The following EPHA6 variants were observed in gnomAD, a reference collection of about 807,000 sequenced individuals.
EPHA6 encodes the protein ephrin type-A receptor 6.
A neutral mutation model predicts 112.0 loss-of-function variants in EPHA6; 50 were observed. That is an observed-to-expected ratio of 0.45 (90% CI 0.36 to 0.56). The LOEUF (loss-of-function observed/expected upper bound fraction) is 0.56, where lower values mean the gene tolerates loss of function less well. Ranked by LOEUF, EPHA6 falls within the 20% of genes least tolerant of loss-of-function variation. EPHA6 has a pLI of 0.00. For synonymous variants in EPHA6, 529 were observed against 490.7 expected (o/e 1.08, Z -1.03); for missense variants, 1,280 against 1,417.4 (o/e 0.90, Z 1.56).
At chr3:97,540,713 C>G (rs997795236) in intron 11 of EPHA6, among the ~76,000 whole-genome samples, 3 of 152,006 alleles carry the variant, frequency 2.0e-5, no homozygotes, top group African/African-American at 7.2e-5. Context: ...TCATTGTAAA[C>G]AGTAAGAGCC....
chr3:97,721,337 G>A (rs1170709599), intron 15 of EPHA6, among the ~76,000 whole-genome samples: 1 of 152,126 alleles, frequency 6.6e-6, no homozygotes, highest in Non-Finnish European at 1.5e-5. Flanking sequence ...ATCTCAAGTT[G>A]TCCAAGTATC....
At chr3:97,129,558 G>A (rs1331942250) in intron 3 of EPHA6, among the ~76,000 whole-genome samples, 1 of 150,760 alleles carries the variant, frequency 6.6e-6, no homozygotes, top group Non-Finnish European at 1.5e-5. Context: ...TGGTAAATTC[G>A]GTGTTAATTA....
At chr3:97,184,187 A>G (rs1329260915) in intron 3 of EPHA6, among the ~76,000 whole-genome samples, 1 of 152,126 alleles carries the variant, frequency 6.6e-6, no homozygotes, top group African/African-American at 2.4e-5. Flanking sequence ...GTTCTATTTT[A>G]AAGCAATGAC....
rs1378943685 is a variant in EPHA6, at chr3:97,751,235, A to G, written c.*2534A>G. On this transcript the variant is annotated 3_prime_UTR_variant, in exon 18 of 18. Transcript: ENST00000389672. ...GGGATGAGCATTCAGTGATTACAAG[A>G]TTAAAGTTGCCTATTAAGAATTCTT... is the stretch of plus-strand genomic sequence containing the variant. Among the ~76,000 whole-genome samples the G allele has an allele frequency of 4.6e-5, 7 of 152,122 alleles. No homozygotes were observed. In the South Asian group the frequency reaches 1.0e-3, roughly 23 times the overall value.
At chr3:97,696,878 C>G (rs528979292) in intron 14 of EPHA6, among the ~76,000 whole-genome samples, 1 of 152,272 alleles carries the variant, frequency 6.6e-6, no homozygotes, top group African/African-American at 2.4e-5. Context: ...AAGCCTCAAC[C>G]ATTGCTGGCC....
At chr3:97,440,614 T>C (rs968836887) in intron 6 of EPHA6, among the ~76,000 whole-genome samples, 8 of 151,108 alleles carry the variant, frequency 5.3e-5, no homozygotes, top group African/African-American at 1.7e-4. Context: ...TATTAAATAA[T>C]ATATTAAAGC....
intron 13 of EPHA6, among the ~76,000 whole-genome samples, chr3:97,615,443 G>A (rs2093757580): frequency 1.3e-5 from 2 of 152,238 alleles, no homozygotes; most frequent in East Asian, 1.9e-4. Flanking sequence ...CCTGAAAAGG[G>A]AGCTGAATCC....
At chr3:97,147,080 A>G (rs2076060994) in intron 3 of EPHA6, among the ~76,000 whole-genome samples, 1 of 151,968 alleles carries the variant, frequency 6.6e-6, no homozygotes. Context: ...ACCACACTAT[A>G]TAGCATTTTC....
intron 3 of EPHA6, among the ~76,000 whole-genome samples, chr3:97,006,350 C>T (rs1439592045): frequency 6.6e-6 from 1 of 151,714 alleles, no homozygotes. Context: ...TGTATGCGTC[C>T]AGGAAGTTAT....
intron 12 of EPHA6, among the ~76,000 whole-genome samples, chr3:97,597,008 C>G (rs932733934): frequency 8.0e-5 from 12 of 149,448 alleles, no homozygotes; most frequent in African/African-American, 2.7e-4. Context: ...TGACCAAACT[C>G]AAATATATCT....
At chr3:97,553,713 C>T (rs890859746) in intron 11 of EPHA6, among the ~76,000 whole-genome samples, 1 of 152,092 alleles carries the variant, frequency 6.6e-6, no homozygotes, top group African/African-American at 2.4e-5. Flanking sequence ...TGGGTGGGGA[C>T]ATAGAGTCAA....
Position 96,851,300 on chromosome 3 carries a change from T to C in EPHA6, c.386-15525T>C, listed in dbSNP as rs2035369999. On this transcript the variant is annotated intron_variant, in intron 1 of 17. Coordinates refer to ENST00000389672, the MANE Select transcript of EPHA6 (RefSeq NM_001080448.3). The stretch of plus-strand genomic sequence containing the variant: ...TATAAACTCCAATAATAAAGAAATG[T>C]AAAGGGAATATAAACAAATGTATGC... 3.3e-5 allele frequency among the ~76,000 whole-genome samples: 5 copies of C among 152,198 alleles called. No individual in the cohort carries two copies. In the South Asian group the frequency reaches 1.0e-3, roughly 32 times the overall value.
chr3:97,193,871 A>G (rs185064532), intron 3 of EPHA6, among the ~76,000 whole-genome samples: 11 of 152,194 alleles, frequency 7.2e-5, no homozygotes, highest in Admixed American at 5.2e-4. Context: ...ATTTTATCCA[A>G]TGCTTTTTCA....
intron 7 of EPHA6, among the ~76,000 whole-genome samples, chr3:97,454,613 T>C (rs1410856401): frequency 2.6e-5 from 4 of 151,888 alleles, no homozygotes; most frequent in Non-Finnish European, 5.9e-5. Flanking sequence ...CAAGTTTTAC[T>C]ACAAATTAAT....
Position 97,227,222 on chromosome 3 carries a change from CT to C in EPHA6, c.1270+817del, listed in dbSNP as rs200109335. 3.6e-3 allele frequency among the ~76,000 whole-genome samples: 493 copies of C among 135,186 alleles called. 4 individuals are homozygous for C. Among genetic ancestry groups the C allele is most frequent in the East Asian group, 0.021 (99 of 4,770 alleles). 88.7% of individuals were successfully genotyped at this position (135,186 alleles called of 152,430 possible). On this transcript the variant is annotated intron_variant, in intron 4 of 17. Transcript: ENST00000389672. ...TAAATTTAGAAAAAGGTAGAGGAGA[CT>C]TTTTTTTTTTTTTCGAGACAGAGTT...
intron 8 of EPHA6, among the ~76,000 whole-genome samples, chr3:97,476,640 C>G (rs2091377024): frequency 6.6e-6 from 1 of 152,082 alleles, no homozygotes; most frequent in African/African-American, 2.4e-5. Flanking sequence ...TTGACAAGTA[C>G]TTTGCATGTA....
At chr3:96,931,906 G>A (rs1046714629) in intron 2 of EPHA6, among the ~76,000 whole-genome samples, 1 of 152,198 alleles carries the variant, frequency 6.6e-6, no homozygotes, top group Non-Finnish European at 1.5e-5. Flanking sequence ...TAGAGCCAGA[G>A]TAGGGTCTCT....
intron 14 of EPHA6, among the ~76,000 whole-genome samples, chr3:97,678,094 A>T (rs1342285761): frequency 6.6e-6 from 1 of 152,102 alleles, no homozygotes; most frequent in African/African-American, 2.4e-5. Flanking sequence ...TCTTCAAGAA[A>T]TGAGGGGTGG....
chr3:97,012,355 C>T lies in EPHA6; in HGVS notation c.1114+24362C>T, dbSNP rs546245616. Among the ~76,000 whole-genome samples, 8 of 151,146 alleles carry T rather than the reference C, an allele frequency of 5.3e-5. No individual in the cohort carries two copies. In the East Asian group the frequency reaches 1.6e-3, roughly 29 times the overall value. ...TTTTTGAGACAGGGTCTGACTCTGT[C>T]ACCCAGGCTGGAGTGCATTGGCATG... On this transcript the variant is annotated intron_variant, in intron 3 of 17. Coordinates refer to ENST00000389672, the MANE Select transcript of EPHA6 (RefSeq NM_001080448.3).
Sources: gnomAD v4.1 joint callset for allele counts (sites outside exome capture counted in the v4.1 genomes callset) on GRCh38, gnomAD v4.1.1 for gene constraint, MANE v1.5 for transcripts, NCBI Gene and HGNC (gene_info 2026-07-23, HGNC 2026-07-21) for gene names.